The following SLC5A3 variants were observed in gnomAD, a reference collection of about 807,000 sequenced individuals.
SLC5A3 encodes the protein sodium/myo-inositol cotransporter.
A neutral mutation model predicts 43.2 loss-of-function variants in SLC5A3; 10 were observed. The observed-to-expected ratio is 0.23, with a 90% CI of 0.14 to 0.39. The LOEUF (loss-of-function observed/expected upper bound fraction) is 0.39. SLC5A3 is among the 10% of genes least tolerant of loss of function. The pLI, the probability that SLC5A3 is intolerant of heterozygous loss-of-function variation, is 1.00. For synonymous variants in SLC5A3, 349 were observed against 322.0 expected, an observed-to-expected ratio of 1.08 and a Z score of -0.90; for missense variants, 608 against 893.4, an observed-to-expected ratio of 0.68 and a Z score of 4.07.
Position 34,102,538 on chromosome 21 carries a change from C to T in SLC5A3, c.*5183C>T. The T allele has an allele frequency of 2.0e-6, 2 of 999,768 alleles. No homozygotes were observed. The highest frequency in any genetic ancestry group is 1.7e-5 in the African/African-American group (1 of 57,338). The allele number at this position is 999,768 out of a possible 1,614,324, so 61.9% of individuals were successfully genotyped here. A position where few individuals can be genotyped will look rare whatever the true frequency, so the allele number is the denominator to read the frequency against. ...ACTGTTTGGTATATCTGTATCATTG[C>T]TAATCTTGTGCACTTTACTTTTTGG... On this transcript the variant is annotated 3_prime_UTR_variant, in exon 2 of 2. Coordinates refer to ENST00000381151, the MANE Select transcript of SLC5A3 (RefSeq NM_006933.7).
chr21:34,095,920 T>C lies in SLC5A3; in HGVS notation c.722T>C (p.Val241Ala). ...CTTTCCAACACAAATTCTTGTAATGTCTCCCCTAAGAAAGAAGCCCTGAAA... is the reference window on the plus strand; with the variant it reads ...CTTTCCAACACAAATTCTTGTAATGCCTCCCCTAAGAAAGAAGCCCTGAAA... ...YNLSNTNSCN[V>A]SPKKEALKML... is the part of the protein sequence containing the mutation. The change falls in exon 2 of 2, where the codon GTC becomes GCC. Residue 241 changes from valine to alanine, a missense_variant. Around this residue, in one of 2 missense-constraint regions of SLC5A3, gnomAD observed 398 missense variants for 668.6 expected, o/e 0.60. Transcript: ENST00000381151. The C allele has an allele frequency of 6.2e-7, 1 of 1,614,102 alleles. No homozygotes were observed. The highest frequency in any genetic ancestry group is 8.5e-7 in the Non-Finnish European group (1 of 1,179,972).
intron 1 of SLC5A3, among the ~76,000 whole-genome samples, chr21:34,084,681 C>G (rs959404450): frequency 6.6e-6 from 1 of 152,204 alleles, no homozygotes; most frequent in African/African-American, 2.4e-5. Context: ...AATTAAAACA[C>G]AGACTTGGTC....
rs901590588 is a variant in SLC5A3, at chr21:34,073,685, C to T, written c.-397C>T. 2.6e-6 allele frequency: 4 copies of T among 1,518,400 alleles called. No individual in the cohort carries two copies. The highest frequency in any genetic ancestry group is 2.7e-6 in the Non-Finnish European group (3 of 1,125,462). The allele number at this position is 1,518,400 out of a possible 1,614,324, so 94.1% of individuals were successfully genotyped here. On this transcript the variant is annotated 5_prime_UTR_variant, in exon 1 of 2. Coordinates refer to ENST00000381151, the MANE Select transcript of SLC5A3 (RefSeq NM_006933.7). ...AACCGGCTGGCTTCCGAGCCGCACT[C>T]GCCGATCCTCCAGGCATGCCCCGCT... is the stretch of plus-strand genomic sequence containing the variant.
chr21:34,079,339 G>A (rs1015036860), intron 1 of SLC5A3, among the ~76,000 whole-genome samples: 1 of 152,134 alleles, frequency 6.6e-6, no homozygotes, highest in African/African-American at 2.4e-5. Context: ...GCCAGCCCCT[G>A]ATTTAGAGTA....
Position 34,098,909 on chromosome 21 carries a change from T to G in SLC5A3, c.*1554T>G, listed in dbSNP as rs536678568. Reference sequence around the variant, plus strand: ...TTGACCTTCTTTAATCTCTGATACTTTTTAGATTGCATGATTTTACTAGGC... The same window carrying G: ...TTGACCTTCTTTAATCTCTGATACTGTTTAGATTGCATGATTTTACTAGGC... On this transcript the variant is annotated 3_prime_UTR_variant, in exon 2 of 2. Coordinates refer to ENST00000381151, the MANE Select transcript of SLC5A3 (RefSeq NM_006933.7). 40 of 995,504 alleles carry G rather than the reference T, an allele frequency of 4.0e-5. No homozygotes were observed. In the South Asian group the frequency reaches 1.8e-3, roughly 46 times the overall value. The allele number at this position is 995,504 out of a possible 1,614,324, so 61.7% of individuals were successfully genotyped here.
At chr21:34,086,298 G>A (rs538514394) in intron 1 of SLC5A3, among the ~76,000 whole-genome samples, 20 of 152,162 alleles carry the variant, frequency 1.3e-4, no homozygotes, top group Non-Finnish European at 2.2e-4. Context: ...GCATTTTAGA[G>A]AAAAGATTAA....
chr21:34,099,057 TAATTTTAGA>T lies in SLC5A3; in HGVS notation c.*1707_*1715del. On this transcript the variant is annotated 3_prime_UTR_variant, in exon 2 of 2. Coordinates refer to ENST00000381151, the MANE Select transcript of SLC5A3 (RefSeq NM_006933.7). ...ATGATGGACTTGATTAGTCCAAAGTTAATTTTAGAAATTGTCAGGTAGCATAGTGTCTTC... is the reference window on the plus strand; with the variant it reads ...ATGATGGACTTGATTAGTCCAAAGTTAATTGTCAGGTAGCATAGTGTCTTC... 1 of 998,760 alleles carries T rather than the reference TAATTTTAGA, an allele frequency of 1.0e-6. No individual in the cohort carries two copies. The highest frequency in any genetic ancestry group is 1.7e-5 in the African/African-American group (1 of 57,340). The allele number at this position is 998,760 out of a possible 1,614,324, so 61.9% of individuals were successfully genotyped here. A position where few individuals can be genotyped will look rare whatever the true frequency, so the allele number is the denominator to read the frequency against.
Position 34,101,965 on chromosome 21 carries a change from G to A in SLC5A3, c.*4610G>A, listed in dbSNP as rs1979257179. ...ACAATGGAGTTTTGATGCCAAAAAG[G>A]TTTTTTTGCAGTAAAAGTAAAAATT... On this transcript the variant is annotated 3_prime_UTR_variant, in exon 2 of 2. Transcript: ENST00000381151. 1 of 999,784 alleles carries A rather than the reference G, an allele frequency of 1.0e-6. No individual in the cohort carries two copies. The highest frequency in any genetic ancestry group is 1.7e-5 in the African/African-American group (1 of 57,188). 61.9% of individuals were successfully genotyped at this position (999,784 alleles called of 1,614,324 possible). A position where few individuals can be genotyped will look rare whatever the true frequency, so the allele number is the denominator to read the frequency against.
At position 34,105,127 on chromosome 21, in the gene SLC5A3, G is replaced by A; in HGVS notation, c.*7772G>A. The A allele has an allele frequency of 2.0e-6, 2 of 1,000,170 alleles. No homozygotes were observed. Among genetic ancestry groups the A allele is most frequent in the South Asian group, 4.7e-5 (1 of 21,280 alleles). The allele number at this position is 1,000,170 out of a possible 1,614,324, so 62.0% of individuals were successfully genotyped here. On this transcript the variant is annotated 3_prime_UTR_variant, in exon 2 of 2. Transcript: ENST00000381151. ...ATGCCATACTCCATTAGTGTCAGAT[G>A]ATGGTATGGAATTTGTTCCCTTGCT...
Position 34,087,292 on chromosome 21 carries a change from C to G in SLC5A3, c.-336-7571C>G, listed in dbSNP as rs1455659615. On this transcript the variant is annotated intron_variant, in intron 1 of 1. Transcript: ENST00000381151. ...CCTTTAGCCTCTTTAATCTGCATCT[C>G]TTGTTGCTTAAAAAACCACTGTTGA... Among the ~76,000 whole-genome samples the G allele has an allele frequency of 5.3e-4, 12 of 22,578 alleles. No individual in the cohort carries two copies. In the East Asian group the frequency reaches 0.015, roughly 27 times the overall value. The allele number at this position is 22,578 out of a possible 152,430, so 14.8% of individuals were successfully genotyped here.
chr21:34,099,627 A>T lies in SLC5A3; in HGVS notation c.*2272A>T, dbSNP rs1979142514. 2 of 998,932 alleles carry T rather than the reference A, an allele frequency of 2.0e-6. No homozygotes were observed. Among genetic ancestry groups the T allele is most frequent in the African/African-American group, 3.5e-5 (2 of 57,288 alleles). 61.9% of individuals were successfully genotyped at this position (998,932 alleles called of 1,614,324 possible). A position where few individuals can be genotyped will look rare whatever the true frequency, so the allele number is the denominator to read the frequency against. ...GATTTTTTTTTTCTCCCTTTATTTA[A>T]CATTGAGTCCTAGTAGTTTGGAGAA... is the stretch of plus-strand genomic sequence containing the variant. On this transcript the variant is annotated 3_prime_UTR_variant, in exon 2 of 2. Coordinates refer to ENST00000381151, the MANE Select transcript of SLC5A3 (RefSeq NM_006933.7).
rs1295763811 is a variant in SLC5A3, at chr21:34,104,009, T to C, written c.*6654T>C. The C allele has an allele frequency of 6.0e-6, 6 of 1,000,034 alleles. No homozygotes were observed. The highest frequency in any genetic ancestry group is 6.0e-6 in the Non-Finnish European group (5 of 829,896). 61.9% of individuals were successfully genotyped at this position (1,000,034 alleles called of 1,614,324 possible). ...AAAATCTTAAATCTTTTAGGAAATA[T>C]TACCTCTTAACAGTGCCCCCCCAAA... On this transcript the variant is annotated 3_prime_UTR_variant, in exon 2 of 2. Transcript: ENST00000381151.
At chr21:34,076,055 T>A (rs985348347) in intron 1 of SLC5A3, among the ~76,000 whole-genome samples, 2 of 152,206 alleles carry the variant, frequency 1.3e-5, no homozygotes, top group Middle Eastern at 3.2e-3. Flanking sequence ...TCTTTACCCC[T>A]TTAATATGAT....
rs1391416698 is a variant in SLC5A3, at chr21:34,104,928, A to G, written c.*7573A>G. 2.0e-6 allele frequency: 2 copies of G among 999,994 alleles called. No individual in the cohort carries two copies. The highest frequency in any genetic ancestry group is 2.4e-6 in the Non-Finnish European group (2 of 829,816). The allele number at this position is 999,994 out of a possible 1,614,324, so 61.9% of individuals were successfully genotyped here. On this transcript the variant is annotated 3_prime_UTR_variant, in exon 2 of 2. Transcript: ENST00000381151. Reference sequence around the variant, plus strand: ...CCTTTCATCTATAATTTCATGGAGAACTGCTTTAATTAGCCTAGGTGAAAA... The same window carrying G: ...CCTTTCATCTATAATTTCATGGAGAGCTGCTTTAATTAGCCTAGGTGAAAA...
At position 34,102,235 on chromosome 21, in the gene SLC5A3, C is replaced by T. The variant is rs1979271627; in HGVS notation, c.*4880C>T. The T allele has an allele frequency of 2.0e-6, 2 of 999,704 alleles. No individual in the cohort carries two copies. The highest frequency in any genetic ancestry group is 5.2e-4 in the Middle Eastern group (1 of 1,914). The allele number at this position is 999,704 out of a possible 1,614,324, so 61.9% of individuals were successfully genotyped here. ...GGTTCAAAGTAATTAACTGGCTTTG[C>T]CAGTGGTGAGTCCCACACCATTATT... On this transcript the variant is annotated 3_prime_UTR_variant, in exon 2 of 2. Transcript: ENST00000381151.
chr21:34,081,203 G>A (rs1267553215), intron 1 of SLC5A3, among the ~76,000 whole-genome samples: 3 of 152,022 alleles, frequency 2.0e-5, no homozygotes, highest in African/African-American at 7.2e-5. Flanking sequence ...TAATGAAGCT[G>A]AAACTGGAAA....
At chr21:34,088,814 T>A (rs1978531184) in intron 1 of SLC5A3, among the ~76,000 whole-genome samples, 1 of 152,148 alleles carries the variant, frequency 6.6e-6, no homozygotes, top group Admixed American at 6.5e-5. Flanking sequence ...ATTAAAGTAA[T>A]GCACATAAAA....
In SLC5A3 at chr21:34,097,607, TAAG is replaced by T. The variant is rs1569417369; in HGVS notation, c.*257_*259del. ...TGGTTTTAAATTTTGCATACCAAAG[TAAG>T]AAGAGACCAATTATTCTCACAGAGC... On this transcript the variant is annotated 3_prime_UTR_variant, in exon 2 of 2. Transcript: ENST00000381151. The T allele has an allele frequency of 1.6e-6, 2 of 1,215,190 alleles. No homozygotes were observed. The highest frequency in any genetic ancestry group is 1.6e-5 in the African/African-American group (1 of 63,440). 75.3% of individuals were successfully genotyped at this position (1,215,190 alleles called of 1,614,324 possible).
Position 34,104,645 on chromosome 21 carries a change from G to A in SLC5A3, c.*7290G>A, listed in dbSNP as rs896798193. The A allele has an allele frequency of 4.0e-6, 4 of 1,000,122 alleles. No homozygotes were observed. In the Admixed American group the frequency reaches 2.5e-4, roughly 62 times the overall value. The allele number at this position is 1,000,122 out of a possible 1,614,324, so 62.0% of individuals were successfully genotyped here. The stretch of plus-strand genomic sequence containing the variant: ...GATTATTCTTGCCAGCAAAAAGCTA[G>A]CCAGGAATGAGCCTACCACATTATT... On this transcript the variant is annotated 3_prime_UTR_variant, in exon 2 of 2. Transcript: ENST00000381151.
Sources: gnomAD v4.1 joint callset for allele counts (sites outside exome capture counted in the v4.1 genomes callset) on GRCh38, gnomAD v4.1.1 for gene constraint, gnomAD v4.1.1 regional missense constraint, MANE v1.5 for transcripts, NCBI Gene and HGNC (gene_info 2026-07-23, HGNC 2026-07-21) for gene names.